MMP16: variants seen among roughly 807,000 people sequenced by gnomAD.
MMP16 encodes matrix metallopeptidase 16, also known as matrix metalloproteinase-16.
A neutral mutation model predicts 67.8 loss-of-function variants in MMP16; 12 were observed. The observed-to-expected ratio is 0.18, with a 90% confidence interval of 0.11 to 0.29. The LOEUF (loss-of-function observed/expected upper bound fraction) is 0.29. Among genes scored for constraint, MMP16 ranks in the 10% least tolerant of loss-of-function variants. MMP16 has a pLI of 1.00. For synonymous variants in MMP16, 249 were observed against 255.9 expected, an observed-to-expected ratio of 0.97 and a Z score of 0.26; for missense variants, 475 against 765.7, an observed-to-expected ratio of 0.62 and a Z score of 4.48.
At chr8:88,150,588 C>A (rs1808387549) in intron 4 of MMP16, among the ~76,000 whole-genome samples, 2 of 57,422 alleles carry the variant, frequency 3.5e-5, no homozygotes, top group East Asian at 5.7e-4. Flanking sequence ...ATTTTCAACC[C>A]AGAATTTCAT....
At chr8:88,064,256 T>G (rs1808436099) in intron 7 of MMP16, among the ~76,000 whole-genome samples, 1 of 152,178 alleles carries the variant, frequency 6.6e-6, no homozygotes, top group African/African-American at 2.4e-5. Flanking sequence ...ACGGTTTGAT[T>G]TTCTTCATAA....
chr8:88,298,268 A>G lies in MMP16; in HGVS notation c.132+28807T>C, dbSNP rs1376219670. On this transcript the variant is annotated intron_variant, in intron 1 of 9. Transcript: ENST00000286614. ...CCCACTTCCCTTCCCCAAACACCCC[A>G]TGTTAGGATAGTGTAAGAAGGCACA... is the stretch of plus-strand genomic sequence containing the variant. Among the ~76,000 whole-genome samples the G allele has an allele frequency of 2.0e-5, 3 of 152,182 alleles. No individual in the cohort carries two copies. In the East Asian group the frequency reaches 5.8e-4, roughly 29 times the overall value.
chr8:88,213,040 T>C (rs1809535526), intron 1 of MMP16, among the ~76,000 whole-genome samples: 1 of 152,168 alleles, frequency 6.6e-6, no homozygotes, highest in Admixed American at 6.6e-5. Context: ...AAAGTTTGGT[T>C]GAAAGCATTT....
chr8:88,314,426 A>T (rs1811346558), intron 1 of MMP16, among the ~76,000 whole-genome samples: 1 of 152,198 alleles, frequency 6.6e-6, no homozygotes, highest in Non-Finnish European at 1.5e-5. Context: ...ATTATATGCT[A>T]GACATTATGA....
At position 88,107,164 on chromosome 8, in the gene MMP16, A is replaced by T. The variant is rs556450158; in HGVS notation, c.1083+9343T>A. 3.9e-3 allele frequency among the ~76,000 whole-genome samples: 589 copies of T among 151,262 alleles called. 2 individuals carry two copies. Among genetic ancestry groups the T allele is most frequent in the Non-Finnish European group, 7.0e-3 (473 of 67,380 alleles). On this transcript the variant is annotated intron_variant, in intron 6 of 9. Coordinates refer to ENST00000286614, the MANE Select transcript of MMP16 (RefSeq NM_005941.5). ...CTAAATGTCATCCAATTTTAAATAA[A>T]TTTGCATAACAGTAAGTTTTAAAAT...
chr8:88,202,473 T>G (rs1024087923), intron 1 of MMP16, among the ~76,000 whole-genome samples: 2 of 152,162 alleles, frequency 1.3e-5, no homozygotes, highest in African/African-American at 4.8e-5. Context: ...TGAGCCCCAG[T>G]GTTAAAAAGA....
chr8:88,312,795 C>T (rs1016852028), intron 1 of MMP16, among the ~76,000 whole-genome samples: 1 of 152,014 alleles, frequency 6.6e-6, no homozygotes, highest in African/African-American at 2.4e-5. Flanking sequence ...ACGGTGAAAC[C>T]CCATCTCTAC....
At chr8:88,118,039 T>C (rs1014174302) in intron 5 of MMP16, among the ~76,000 whole-genome samples, 9 of 152,080 alleles carry the variant, frequency 5.9e-5, no homozygotes, top group Non-Finnish European at 1.3e-4. Flanking sequence ...ATAATAGTCT[T>C]TCCCCTTTTC....
rs148375979 is a variant in MMP16 at position 88,293,329 on chromosome 8, C to CTT, written c.132+33744_132+33745dup. Among the ~76,000 whole-genome samples, 243 of 151,758 alleles carry CTT rather than the reference C, an allele frequency of 1.6e-3. 1 individual carries two copies. The highest frequency in any genetic ancestry group is 5.5e-3 in the African/African-American group (227 of 41,380). ...ACCCTTACCCCGAAACTACTTAATGCTTTTTTTTAAGAGACAATGCTAAAA... is the reference window on the plus strand; with the variant it reads ...ACCCTTACCCCGAAACTACTTAATGCTTTTTTTTTTAAGAGACAATGCTAAAA... On this transcript the variant is annotated intron_variant, in intron 1 of 9. Transcript: ENST00000286614.
intron 8 of MMP16, among the ~76,000 whole-genome samples, chr8:88,053,608 A>G (rs1210952080): frequency 1.3e-5 from 2 of 152,162 alleles, no homozygotes; most frequent in Non-Finnish European, 2.9e-5. Context: ...GAGAAATAAT[A>G]AAACATAAAT....
intron 1 of MMP16, among the ~76,000 whole-genome samples, chr8:88,319,144 A>C (rs947108395): frequency 6.6e-6 from 1 of 152,184 alleles, no homozygotes; most frequent in Non-Finnish European, 1.5e-5. Context: ...CACTCAGTCC[A>C]TCATACATAG....
intron 1 of MMP16, among the ~76,000 whole-genome samples, chr8:88,212,871 G>C (rs1006571348): frequency 1.4e-4 from 22 of 152,128 alleles, no homozygotes; most frequent in African/African-American, 4.8e-4. Context: ...AACATGTATA[G>C]ATATTTTCTG....
chr8:88,066,616 G>C (rs1329960690), intron 7 of MMP16, among the ~76,000 whole-genome samples: 1 of 151,914 alleles, frequency 6.6e-6, no homozygotes, highest in African/African-American at 2.4e-5. Flanking sequence ...AAAGCCCTGT[G>C]GGTTTGTACA....
chr8:88,266,201 T>C (rs1243302623), intron 1 of MMP16, among the ~76,000 whole-genome samples: 2 of 152,040 alleles, frequency 1.3e-5, no homozygotes, highest in Non-Finnish European at 2.9e-5. Context: ...CACTGTGGAG[T>C]ACAACCCACG....
intron 1 of MMP16, among the ~76,000 whole-genome samples, chr8:88,298,942 T>G (rs922394953): frequency 1.3e-5 from 2 of 152,082 alleles, no homozygotes; most frequent in Non-Finnish European, 2.9e-5. Context: ...GTGGGTAAAA[T>G]TGTCTAGTTC....
chr8:88,101,102 AC>A (rs1809136580), intron 6 of MMP16, among the ~76,000 whole-genome samples: 1 of 151,956 alleles, frequency 6.6e-6, no homozygotes, highest in Admixed American at 6.6e-5. Context: ...GTGCACATGT[AC>A]CCTAGAACTT....
intron 1 of MMP16, among the ~76,000 whole-genome samples, chr8:88,290,278 C>A (rs540091136): frequency 9.9e-5 from 15 of 152,186 alleles, no homozygotes; most frequent in African/African-American, 3.6e-4. Flanking sequence ...TTGGGCCAGG[C>A]ACGGTGGCTC....
intron 2 of MMP16, among the ~76,000 whole-genome samples, chr8:88,192,590 CATCAATTG>C (rs1809188095): frequency 6.6e-6 from 1 of 152,082 alleles, no homozygotes; most frequent in African/African-American, 2.4e-5. Flanking sequence ...AAAAGAAGAA[CATCAATTG>C]ATTAAGAACA....
intron 1 of MMP16, among the ~76,000 whole-genome samples, chr8:88,313,917 C>G (rs866752116): frequency 5.3e-5 from 8 of 152,100 alleles, no homozygotes; most frequent in Admixed American, 3.9e-4. Flanking sequence ...GACTTATTCA[C>G]TATCACAAGA....
Sources: gnomAD v4.1 joint callset for allele counts (sites outside exome capture counted in the v4.1 genomes callset) on GRCh38, gnomAD v4.1.1 for gene constraint, MANE v1.5 for transcripts, NCBI Gene and HGNC (gene_info 2026-07-23, HGNC 2026-07-21) for gene names.